The following RPN2 variants were observed in gnomAD, a reference collection of about 807,000 sequenced individuals.
RPN2 encodes ribophorin II, also known as dolichyl-diphosphooligosaccharide--protein glycosyltransferase subunit 2.
Under a neutral mutation model 71.4 loss-of-function variants are expected in RPN2, and 29 were observed. The observed-to-expected ratio is 0.41, with a 90% CI of 0.30 to 0.55. The LOEUF is 0.55. Ranked by LOEUF, RPN2 falls within the 20% of genes least tolerant of loss-of-function variation. RPN2 has a pLI of 0.35. For synonymous variants in RPN2, 308 were observed against 305.0 expected (o/e 1.01, Z -0.10); for missense variants, 726 against 774.1 (o/e 0.94, Z 0.74).
At chr20:37,196,828 G>A (rs1032490397) in intron 2 of RPN2, among the ~76,000 whole-genome samples, 21 of 152,318 alleles carry the variant, frequency 1.4e-4, no homozygotes, top group African/African-American at 5.1e-4. Flanking sequence ...GCGATTTTGT[G>A]ATGTGTTTCC....
At chr20:37,202,769 A>G (rs2067421917) in intron 4 of RPN2, among the ~76,000 whole-genome samples, 1 of 152,240 alleles carries the variant, frequency 6.6e-6, no homozygotes, top group African/African-American at 2.4e-5. Context: ...CCTTGAAAAC[A>G]TTCTGTTGAG....
At chr20:37,208,451 G>A (rs192265168) in intron 7 of RPN2, among the ~76,000 whole-genome samples, 13 of 152,022 alleles carry the variant, frequency 8.6e-5, no homozygotes, top group Admixed American at 3.3e-4. Flanking sequence ...GCTATGTCGC[G>A]CAGGCTGGAG....
chr20:37,228,323 G>T (rs2068133011), intron 11 of RPN2, among the ~76,000 whole-genome samples: 1 of 152,168 alleles, frequency 6.6e-6, no homozygotes, highest in Admixed American at 6.5e-5. Context: ...GAATTGGCTG[G>T]ACCCGTAAGT....
intron 14 of RPN2, among the ~76,000 whole-genome samples, chr20:37,233,677 T>TG (rs2068309264): frequency 6.6e-6 from 1 of 152,198 alleles, no homozygotes; most frequent in Admixed American, 6.5e-5. Context: ...GAGAACTTAG[T>TG]GGGGGTGTCA....
chr20:37,198,973 G>T, intron 3 of RPN2, 77 bp from the exon 4 acceptor site: 1 of 1,177,618 alleles, frequency 8.5e-7, no homozygotes, highest in Non-Finnish European at 1.3e-6. Flanking sequence ...CAGCTGCTCC[G>T]CATTCTGTCT....
At chr20:37,241,150 A>G (rs1203103149) in intron 16 of RPN2, among the ~76,000 whole-genome samples, 153 bp from the exon 17 acceptor site, 1 of 152,258 alleles carries the variant, frequency 6.6e-6, no homozygotes, top group African/African-American at 2.4e-5. Flanking sequence ...GATGGGGCAT[A>G]CATAAATAGA....
intron 16 of RPN2, chr20:37,238,846 C>T: frequency 1.9e-6 from 1 of 525,660 alleles, no homozygotes. Flanking sequence ...TCCTGGCACA[C>T]CTTGTCACTG....
chr20:37,201,299 T>TC (rs373282153), intron 4 of RPN2, among the ~76,000 whole-genome samples: 3 of 149,446 alleles, frequency 2.0e-5, no homozygotes, highest in Non-Finnish European at 4.5e-5. Context: ...TTTTTTTTTT[T>TC]GAGACAGGGT....
intron 9 of RPN2, among the ~76,000 whole-genome samples, chr20:37,216,563 G>A (rs970095650): frequency 1.3e-5 from 2 of 151,936 alleles, no homozygotes; most frequent in Non-Finnish European, 2.9e-5. Context: ...CGGGGTTCAA[G>A]CGATTCTCCT....
chr20:37,200,269 G>A (rs1053189018), intron 4 of RPN2, among the ~76,000 whole-genome samples: 4 of 152,178 alleles, frequency 2.6e-5, no homozygotes, highest in Non-Finnish European at 4.4e-5. Context: ...GATTACAGGC[G>A]TGAGCCACAG....
chr20:37,206,762 G>C (rs2067518745), intron 6 of RPN2, among the ~76,000 whole-genome samples: 1 of 151,994 alleles, frequency 6.6e-6, no homozygotes. Context: ...AGGTTGGAGT[G>C]CAGTGGCGCG....
At chr20:37,196,263 C>G (rs535912516) in intron 2 of RPN2, among the ~76,000 whole-genome samples, 5 of 152,016 alleles carry the variant, frequency 3.3e-5, no homozygotes, top group Admixed American at 3.3e-4. Flanking sequence ...GAGTCTCGCT[C>G]TGTCGCCCAG....
intron 15 of RPN2, 113 bp from the exon 16 acceptor site, chr20:37,236,467 G>A: frequency 9.0e-7 from 1 of 1,107,562 alleles, no homozygotes; most frequent in Non-Finnish European, 1.4e-6. Flanking sequence ...AAACAAGCTG[G>A]TATAGGAGTA....
intron 2 of RPN2, among the ~76,000 whole-genome samples, chr20:37,185,939 T>C (rs780644340): frequency 6.6e-6 from 1 of 152,240 alleles, no homozygotes; most frequent in Non-Finnish European, 1.5e-5. Context: ...GGCCCATTCA[T>C]GTTGTCGTAT....
chr20:37,202,973 T>C (rs1013184960), intron 4 of RPN2, among the ~76,000 whole-genome samples: 6 of 152,172 alleles, frequency 3.9e-5, no homozygotes, highest in African/African-American at 1.4e-4. Flanking sequence ...TCACTTAGGC[T>C]GAGTGCGGTG....
chr20:37,181,418 T>G (rs1216825605), intron 1 of RPN2, among the ~76,000 whole-genome samples: 2 of 149,918 alleles, frequency 1.3e-5, no homozygotes, highest in Non-Finnish European at 3.0e-5. Context: ...TGTTTGCATT[T>G]GGTTTTTCTT....
chr20:37,204,971 T>C, intron 6 of RPN2, 70 bp downstream of exon 6: 1 of 1,608,212 alleles, frequency 6.2e-7, no homozygotes, highest in East Asian at 2.2e-5. Context: ...AGGATGGCTT[T>C]TATCAGAGAG....
chr20:37,237,229 C>G (rs971788646), intron 16 of RPN2, among the ~76,000 whole-genome samples: 5 of 152,150 alleles, frequency 3.3e-5, no homozygotes, highest in Admixed American at 1.3e-4. Flanking sequence ...TCCCCGGGAC[C>G]CAGACAACCT....
intron 4 of RPN2, among the ~76,000 whole-genome samples, chr20:37,202,640 C>A (rs966347810): frequency 2.0e-5 from 3 of 152,156 alleles, no homozygotes; most frequent in Non-Finnish European, 2.9e-5. Context: ...ATAAGTCTTA[C>A]ATGTATACAT....
Sources: allele counts gnomAD v4.1 joint callset (sites outside exome capture counted in the v4.1 genomes callset), GRCh38; gene constraint gnomAD v4.1.1; transcripts MANE v1.5; gene names NCBI Gene and HGNC (gene_info 2026-07-23, HGNC 2026-07-21).